The following PPIP5K2 variants were observed in gnomAD, a reference collection of about 807,000 sequenced individuals.
PPIP5K2 encodes diphosphoinositol pentakisphosphate kinase 2.
In PPIP5K2, 105 loss-of-function variants were observed where a neutral mutation model predicts 154.6. The observed-to-expected ratio is 0.68, with a 90% CI of 0.58 to 0.80. The LOEUF (loss-of-function observed/expected upper bound fraction) is 0.80. Among genes scored for constraint, PPIP5K2 ranks in the 30% least tolerant of loss-of-function variants. The pLI, the probability that PPIP5K2 is intolerant of heterozygous loss-of-function variation, is 0.00. For synonymous variants in PPIP5K2, 480 were observed against 490.3 expected (o/e 0.98, Z 0.28); for missense variants, 992 against 1,504.6 (o/e 0.66, Z 5.64).
chr5:103,137,163 A>ATTTT (rs71620680), intron 4 of PPIP5K2, among the ~76,000 whole-genome samples: 6,908 of 139,792 alleles, frequency 0.049, 256 homozygotes, highest in African/African-American at 0.08. Context: ...TTATAACTAG[A>ATTTT]TTTTTTTTTT....
In PPIP5K2 at chr5:103,152,757, T is replaced by G. The variant is rs782570723; in HGVS notation, c.1130+8T>G. On this transcript the variant is annotated splice_region_variant and intron_variant, in intron 10 of 30. Transcript: ENST00000358359. ...AACTACATCTGGAACTATGTAAGTCTGAATTATTTTCATTTAGAAATTGAG... is the reference window on the plus strand; with the variant it reads ...AACTACATCTGGAACTATGTAAGTCGGAATTATTTTCATTTAGAAATTGAG... 16 of 1,505,368 alleles carry G rather than the reference T, an allele frequency of 1.1e-5. No individual in the cohort carries two copies. The highest frequency in any genetic ancestry group is 1.5e-5 in the Non-Finnish European group (16 of 1,090,252). The allele number at this position is 1,505,368 out of a possible 1,614,324, so 93.3% of individuals were successfully genotyped here.
intron 19 of PPIP5K2, among the ~76,000 whole-genome samples, chr5:103,172,807 T>C (rs1421822396): frequency 6.6e-6 from 1 of 151,834 alleles, no homozygotes; most frequent in Admixed American, 6.6e-5. Flanking sequence ...TATTACATAT[T>C]GTGCTTTAGT....
chr5:103,187,281 C>G lies in PPIP5K2; in HGVS notation c.3290-33C>G, dbSNP rs1433581773. ...TTAAGTGTTCTTTTTGTAGCTGTTA[C>G]GAATTTCAGGTACCTGTTTTTCTCT... On this transcript the variant is annotated intron_variant, in intron 27 of 30. Transcript: ENST00000358359. 4.0e-6 allele frequency: 6 copies of G among 1,501,810 alleles called. No homozygotes were observed. In the Middle Eastern group the frequency reaches 5.1e-4, roughly 126 times the overall value. The allele number at this position is 1,501,810 out of a possible 1,614,324, so 93.0% of individuals were successfully genotyped here.
At chr5:103,184,604 C>T in intron 25 of PPIP5K2, 68 bp from the exon 26 acceptor site, 1 of 1,166,058 alleles carries the variant, frequency 8.6e-7, no homozygotes, top group Non-Finnish European at 1.3e-6. Flanking sequence ...GAACAGGCTG[C>T]ATATGAAGTA....
At chr5:103,137,540 G>A (rs1186738151) in intron 4 of PPIP5K2, among the ~76,000 whole-genome samples, 1 of 152,006 alleles carries the variant, frequency 6.6e-6, no homozygotes, top group African/African-American at 2.4e-5. Context: ...TCATTTAACA[G>A]GTAAAAAGCA....
intron 17 of PPIP5K2, 41 bp downstream of exon 17, chr5:103,159,369 C>G (rs1554214913): frequency 2.0e-6 from 3 of 1,479,402 alleles, no homozygotes; most frequent in Non-Finnish European, 2.7e-6. Context: ...ATATTACACA[C>G]ACACAGAAAA....
chr5:103,158,583 A>AT lies in PPIP5K2; in HGVS notation c.1737+19dup, dbSNP rs551908425. On this transcript the variant is annotated intron_variant, in intron 16 of 30. Coordinates refer to ENST00000358359, the MANE Select transcript of PPIP5K2 (RefSeq NM_001276277.3). ...AGCTGCTTTTGCAAAGGTATAAATAATTTTTTTTTAGAATTATTAGAGTTT... is the reference window on the plus strand; with the variant it reads ...AGCTGCTTTTGCAAAGGTATAAATAATTTTTTTTTTAGAATTATTAGAGTTT... 137 of 1,551,290 alleles carry AT rather than the reference A, an allele frequency of 8.8e-5. No individual in the cohort carries two copies. In the Middle Eastern group the frequency reaches 1.0e-3, roughly 12 times the overall value.
chr5:103,192,966 A>G (rs1024300518), intron 29 of PPIP5K2, among the ~76,000 whole-genome samples: 1 of 152,166 alleles, frequency 6.6e-6, no homozygotes, highest in African/African-American at 2.4e-5. Context: ...TGTATTCCCA[A>G]GAGTCTTTGG....
intron 23 of PPIP5K2, 121 bp downstream of exon 23, chr5:103,178,101 TG>T: frequency 2.8e-6 from 2 of 709,538 alleles, no homozygotes; most frequent in Non-Finnish European, 4.8e-6. Flanking sequence ...AGCAGGAAAA[TG>T]GTTTAAATTT....
intron 29 of PPIP5K2, among the ~76,000 whole-genome samples, chr5:103,191,877 G>T (rs1801298495): frequency 6.6e-6 from 1 of 152,010 alleles, no homozygotes; most frequent in Non-Finnish European, 1.5e-5. Flanking sequence ...ATCTTAGAAA[G>T]TGACAAACTT....
At chr5:103,159,451 A>AG in intron 17 of PPIP5K2, 123 bp downstream of exon 17, 1 of 842,606 alleles carries the variant, frequency 1.2e-6, no homozygotes, top group Non-Finnish European at 1.6e-6. Context: ...ATCATCCTCC[A>AG]GGTAAAGAAA....
At chr5:103,137,102 AT>A (rs1791631666) in intron 4 of PPIP5K2, among the ~76,000 whole-genome samples, 1 of 152,170 alleles carries the variant, frequency 6.6e-6, no homozygotes, top group African/African-American at 2.4e-5. Context: ...ATTCAAACTT[AT>A]GAGCACTTTT....
intron 1 of PPIP5K2, among the ~76,000 whole-genome samples, chr5:103,126,979 A>G (rs1789798114): frequency 6.6e-6 from 1 of 152,170 alleles, no homozygotes; most frequent in Non-Finnish European, 1.5e-5. Flanking sequence ...ACAGCCCAAT[A>G]GGTCTGCACA....
chr5:103,126,535 T>C (rs1000090798), intron 1 of PPIP5K2, among the ~76,000 whole-genome samples: 1 of 152,160 alleles, frequency 6.6e-6, no homozygotes. Context: ...AGGATAGATA[T>C]AGCTACAAAT....
rs1800387011 is a variant in PPIP5K2, at chr5:103,186,392, A to G, written c.3242A>G (p.Tyr1081Cys). The change falls in exon 27 of 31, where the codon TAT becomes TGT. Residue 1081 changes from tyrosine to cysteine, a missense_variant. Physicochemically the swap from Tyr to Cys is radical, Grantham distance 194. This residue lies in a region of PPIP5K2 where 204 missense variants were observed against 224.0 expected (regional missense o/e 0.91). Transcript: ENST00000358359. The part of the protein sequence containing the change: ...GSSSAPNLQD[Y>C]ARTHRKKLTS... ...TCAAGCGCACCTAACCTACAGGATTATGCTCGTACTCATCGTAAAAAGCTG... is the reference window on the plus strand; with the variant it reads ...TCAAGCGCACCTAACCTACAGGATTGTGCTCGTACTCATCGTAAAAAGCTG... 6.2e-7 allele frequency: 1 copy of G among 1,613,960 alleles called. No homozygotes were observed.
chr5:103,167,308 C>T lies in PPIP5K2; in HGVS notation c.2050C>T (p.Pro684Ser), dbSNP rs1554218221. ...TCAAATCAGACATCGAATGGAAGAT[C>T]CTAAATCATCAGGTAAATATGTTTT... Reference protein sequence around the residue: ...TSQIRHRMEDPKSSDIQLYHS... With the variant: ...TSQIRHRMEDSKSSDIQLYHS... The change falls in exon 18 of 31, where the codon CCT becomes TCT. Residue 684 changes from proline to serine, a missense_variant. Transcript: ENST00000358359. 1 of 1,574,010 alleles carries T rather than the reference C, an allele frequency of 6.4e-7. No individual in the cohort carries two copies.
intron 1 of PPIP5K2, among the ~76,000 whole-genome samples, chr5:103,124,881 G>A (rs1789392514): frequency 6.6e-6 from 1 of 152,224 alleles, no homozygotes; most frequent in African/African-American, 2.4e-5. Context: ...CTAGGTAACA[G>A]TGCCTAATAA....
intron 28 of PPIP5K2, among the ~76,000 whole-genome samples, chr5:103,190,577 T>C (rs1295335785): frequency 4.6e-5 from 7 of 151,994 alleles, no homozygotes; most frequent in Non-Finnish European, 1.0e-4. Context: ...TTTAAAGTAT[T>C]ATTCTTAGAT....
chr5:103,191,101 G>C, intron 29 of PPIP5K2, 119 bp downstream of exon 29: 1 of 915,330 alleles, frequency 1.1e-6, no homozygotes, highest in Non-Finnish European at 1.6e-6. Context: ...GAGTACAAAG[G>C]GGAGTGTAAA....
Sources: gnomAD v4.1 joint callset for allele counts (sites outside exome capture counted in the v4.1 genomes callset) on GRCh38, gnomAD v4.1.1 for gene constraint, gnomAD v4.1.1 regional missense constraint, MANE v1.5 for transcripts, NCBI Gene and HGNC (gene_info 2026-07-23, HGNC 2026-07-21) for gene names.